ZNF106: variants seen among roughly 807,000 people sequenced by gnomAD.
ZNF106 encodes SH3-domain binding protein 3.
Under a neutral mutation model 195.1 loss-of-function variants are expected in ZNF106, and 67 were observed. The observed-to-expected ratio is 0.34, with a 90% CI of 0.28 to 0.42. The LOEUF (loss-of-function observed/expected upper bound fraction) is 0.42, where lower values mean the gene tolerates loss of function less well. Among genes scored for constraint, ZNF106 ranks in the 10% least tolerant of loss-of-function variants. The probability of loss-of-function intolerance (pLI) is 1.00; values close to 1 mark genes in which losing one functional copy is unlikely to be tolerated. For missense variants in ZNF106, 2,118 were observed against 2,304.5 expected (o/e 0.92, Z 1.66); for synonymous variants, 784 against 818.6 (o/e 0.96, Z 0.72).
intron 1 of ZNF106, among the ~76,000 whole-genome samples, chr15:42,478,841 T>G (rs1006310212): frequency 6.6e-6 from 1 of 152,072 alleles, no homozygotes; most frequent in Non-Finnish European, 1.5e-5. Context: ...CCTCCTACCT[T>G]TTTTCTCTTC....
At chr15:42,418,816 C>T (rs1183871116) in intron 20 of ZNF106, among the ~76,000 whole-genome samples, 1 of 152,066 alleles carries the variant, frequency 6.6e-6, no homozygotes, top group Non-Finnish European at 1.5e-5. Flanking sequence ...ACTTTACTCA[C>T]AACCTTTGTC....
At position 42,424,075 on chromosome 15, in the gene ZNF106, TAAAC is replaced by T. The variant is rs746185424; in HGVS notation, c.5191-19_5191-16del. The T allele has an allele frequency of 3.4e-5, 54 of 1,609,388 alleles. No homozygotes were observed. In the Admixed American group the frequency reaches 4.1e-4, roughly 12 times the overall value. On this transcript the variant is annotated splice_polypyrimidine_tract_variant and intron_variant, in intron 16 of 21. Coordinates refer to ENST00000564754, the MANE Select transcript of ZNF106 (RefSeq NM_001366845.3). ...TCATTCACCACCTTAAAGAAAAAATTAAACAAGTCAGATTCTGTATACGGTTCTT... is the reference window on the plus strand; with the variant it reads ...TCATTCACCACCTTAAAGAAAAAATTAAGTCAGATTCTGTATACGGTTCTT...
At chr15:42,432,707 TAAAAA>T (rs36106729) in intron 14 of ZNF106, among the ~76,000 whole-genome samples, 3 of 123,996 alleles carry the variant, frequency 2.4e-5, no homozygotes, top group East Asian at 2.4e-4. Context: ...ACCGTATTTC[TAAAAA>T]AAAAAAAAAA....
Position 42,422,624 on chromosome 15 carries a change from T to C in ZNF106, c.5254-4A>G, listed in dbSNP as rs1466619892. ...AGATCCGCACGAGCTCACCAGTCTA[T>C]GTCAGAAGAGAAGTAAGAGTCACCA... On this transcript the variant is annotated splice_polypyrimidine_tract_variant and splice_region_variant and intron_variant, in intron 17 of 21. Transcript: ENST00000564754. The C allele has an allele frequency of 2.5e-6, 4 of 1,601,322 alleles. No individual in the cohort carries two copies. The highest frequency in any genetic ancestry group is 1.7e-5 in the Admixed American group (1 of 57,176).
At chr15:42,465,969 T>G in intron 3 of ZNF106, 84 bp downstream of exon 3, 1 of 1,107,010 alleles carries the variant, frequency 9.0e-7, no homozygotes, top group Non-Finnish European at 1.3e-6. Context: ...TTTTGACGGA[T>G]TACTGCAAAA....
In ZNF106 at chr15:42,457,476, G is replaced by A; in HGVS notation, c.117-318C>T. The A allele has an allele frequency of 5.8e-6, 7 of 1,209,670 alleles. No homozygotes were observed. The South Asian group carries it at 1.4e-4, about 24-fold the overall frequency. The allele number at this position is 1,209,670 out of a possible 1,614,324, so 74.9% of individuals were successfully genotyped here. A position where few individuals can be genotyped will look rare whatever the true frequency, so the allele number is the denominator to read the frequency against. ...CATGGTGAAAGGGGAGGCAGGGCAG[G>A]GGGCTCAGAGCAAGCAGAAGTTGCT... On this transcript the variant is annotated intron_variant, in intron 3 of 21. Transcript: ENST00000564754.
In ZNF106 at chr15:42,435,461, C is replaced by G; in HGVS notation, c.4804G>C (p.Val1602Leu). The change falls in exon 14 of 22, where the codon GTT (valine) becomes CTT (leucine). Residue 1602 changes from valine (V) to leucine (L), a missense_variant. Physicochemically the swap from Val to Leu is conservative, Grantham distance 32. Transcript: ENST00000564754. Reference protein sequence around the residue: ...GHTSKVNCLLVTQTSGKNAAL... With the variant: ...GHTSKVNCLLLTQTSGKNAAL... The stretch of plus-strand genomic sequence containing the variant: ...GCATTCTTCCCGGAGGTCTGAGTAA[C>G]CAGGAGGCAGTTAACTTTGGAGGTA... The G allele has an allele frequency of 6.2e-7, 1 of 1,614,128 alleles. No homozygotes were observed. The highest frequency in any genetic ancestry group is 8.5e-7 in the Non-Finnish European group (1 of 1,180,020).
At chr15:42,444,803 A>G in intron 8 of ZNF106, 24 bp downstream of exon 8, 1 of 1,610,396 alleles carries the variant, frequency 6.2e-7, no homozygotes, top group Non-Finnish European at 8.5e-7. Flanking sequence ...ATCCATTTTT[A>G]TTAAATCCTC....
chr15:42,488,951 A>G (rs1595505090), intron 1 of ZNF106, among the ~76,000 whole-genome samples: 1 of 151,386 alleles, frequency 6.6e-6, no homozygotes, highest in East Asian at 2.0e-4. Flanking sequence ...GGTGGTGGGC[A>G]CCTGTAATCC....
intron 14 of ZNF106, among the ~76,000 whole-genome samples, chr15:42,434,197 C>A (rs1031177762): frequency 1.3e-5 from 2 of 152,052 alleles, no homozygotes; most frequent in Non-Finnish European, 2.9e-5. Flanking sequence ...ATCAGAAACT[C>A]TGGCAAGGGC....
rs764392489 is a variant in ZNF106, at chr15:42,450,209, C to G, written c.2063G>C (p.Gly688Ala). The G allele has an allele frequency of 1.2e-6, 2 of 1,614,022 alleles. No homozygotes were observed. The highest frequency in any genetic ancestry group is 2.7e-5 in the African/African-American group (2 of 74,902). Reference protein sequence around the residue: ...QMTSAASPHPGLLLDLKTSLE... With the variant: ...QMTSAASPHPALLLDLKTSLE... ...AGAGGTTTTCAAGTCTAGCAATAAGCCAGGGTGTGGACTGGCTGCAGATGT... is the reference window on the plus strand; with the variant it reads ...AGAGGTTTTCAAGTCTAGCAATAAGGCAGGGTGTGGACTGGCTGCAGATGT... The change falls in exon 5 of 22, where the codon GGC becomes GCC. Residue 688 changes from glycine to alanine, a missense_variant. Gly to Ala is a moderately conservative substitution (Grantham distance 60). Transcript: ENST00000564754.
intron 20 of ZNF106, among the ~76,000 whole-genome samples, chr15:42,418,773 A>G (rs1464715284): frequency 1.3e-5 from 2 of 152,024 alleles, no homozygotes; most frequent in African/African-American, 4.8e-5. Context: ...GGAAATATTT[A>G]TTGTAGAATA....
At chr15:42,444,574 C>CTCCCCTTTCTTGCTG (rs2055694452) in intron 8 of ZNF106, among the ~76,000 whole-genome samples, 1 of 94,884 alleles carries the variant, frequency 1.1e-5, no homozygotes, top group African/African-American at 6.6e-5. Context: ...CTAGGGAGAA[C>CTCCCCTTTCTTGCTG]ACCCTTGTGG....
intron 14 of ZNF106, among the ~76,000 whole-genome samples, chr15:42,432,166 C>G (rs1476416207): frequency 1.3e-5 from 2 of 152,012 alleles, no homozygotes; most frequent in Non-Finnish European, 2.9e-5. Context: ...TTGTCTTTTT[C>G]ATTTTTTAAA....
At position 42,439,431 on chromosome 15, in the gene ZNF106, T is replaced by C; in HGVS notation, c.4146A>G (p.Lys1382=). 6.2e-7 allele frequency: 1 copy of C among 1,613,920 alleles called. No individual in the cohort carries two copies. Among genetic ancestry groups the C allele is most frequent in the Non-Finnish European group, 8.5e-7 (1 of 1,179,988 alleles). The part of the protein sequence containing the change: ...SKKKKKLRKK[K]SLRAAHVPEN... The stretch of plus-strand genomic sequence containing the variant: ...CAGGAACATGGGCAGCCCGTAGACT[T>C]TTCTTCTTCCGGAGTTTCTTCTTTT... Residue 1382 remains lysine, a synonymous_variant, in exon 11 of 22, where the codon AAA becomes AAG. Coordinates refer to ENST00000564754, the MANE Select transcript of ZNF106 (RefSeq NM_001366845.3).
intron 1 of ZNF106, among the ~76,000 whole-genome samples, chr15:42,485,540 G>A (rs2056993451): frequency 6.6e-6 from 1 of 152,148 alleles, no homozygotes; most frequent in Non-Finnish European, 1.5e-5. Flanking sequence ...CCTGATAGGT[G>A]AACAGGGTGT....
chr15:42,441,026 T>A (rs865808298), intron 10 of ZNF106, among the ~76,000 whole-genome samples: 4,819 of 70,508 alleles, frequency 0.068, 970 homozygotes, highest in African/African-American at 0.24. Context: ...TATATATATA[T>A]ATATATATAT....
intron 3 of ZNF106, among the ~76,000 whole-genome samples, chr15:42,465,139 A>T (rs1396073324): frequency 6.6e-6 from 1 of 152,238 alleles, no homozygotes; most frequent in Non-Finnish European, 1.5e-5. Context: ...GGGCTCAAGC[A>T]ATCTGCCTGG....
At chr15:42,482,486 A>G (rs2056919832) in intron 1 of ZNF106, among the ~76,000 whole-genome samples, 1 of 149,966 alleles carries the variant, frequency 6.7e-6, no homozygotes, top group Non-Finnish European at 1.5e-5. Context: ...AACTCAAACT[A>G]CAAATCTGTC....
Sources: gnomAD v4.1 joint callset for allele counts (sites outside exome capture counted in the v4.1 genomes callset) on GRCh38, gnomAD v4.1.1 for gene constraint, MANE v1.5 for transcripts, NCBI Gene and HGNC (gene_info 2026-07-23, HGNC 2026-07-21) for gene names.